STRA6: variants seen among roughly 807,000 people sequenced by gnomAD.
The protein encoded by STRA6 is receptor for retinol uptake STRA6.
In STRA6, 48 loss-of-function variants were observed where a neutral mutation model predicts 83.6. The observed-to-expected ratio is 0.57, with a 90% CI of 0.46 to 0.73. The LOEUF (loss-of-function observed/expected upper bound fraction) is 0.73, where lower values mean the gene tolerates loss of function less well. Among genes scored for constraint, STRA6 ranks in the 30% least tolerant of loss-of-function variants. The probability of loss-of-function intolerance (pLI) is 0.00; values close to 1 mark genes in which losing one functional copy is unlikely to be tolerated. For synonymous variants in STRA6, 353 were observed against 362.3 expected (o/e 0.97, Z 0.29); for missense variants, 760 against 838.8 (o/e 0.91, Z 1.16).
chr15:74,193,595 G>A (rs753525912), intron 8 of STRA6, among the ~76,000 whole-genome samples: 14 of 152,178 alleles, frequency 9.2e-5, no homozygotes, highest in African/African-American at 3.1e-4. Context: ...CCAGTGCCGC[G>A]GGTATCCTGG....
intron 1 of STRA6, 55 bp downstream of exon 1, chr15:74,202,658 A>G: frequency 7.2e-7 from 1 of 1,396,432 alleles, no homozygotes; most frequent in South Asian, 1.8e-5. Flanking sequence ...CTGCCTAAAG[A>G]GACGCCCCTT....
Position 74,196,021 on chromosome 15 carries a change from T to G in STRA6, c.393A>C (p.Ser131=). Residue 131 remains serine (S), a synonymous_variant, in exon 5 of 19, where the codon TCA becomes TCC. Transcript: ENST00000395105. ...EDALPFLTLA[S]APSQDGKTEA... is the part of the protein sequence containing the mutation. ...GTCAGTGGGTACCTTGGCTGGGTGC[T>G]GAGGCGAGAGTCAGGAAGGGCAATG... is the stretch of plus-strand genomic sequence containing the variant. 4 of 1,613,862 alleles carry G rather than the reference T, an allele frequency of 2.5e-6. 1 individual carries two copies. The South Asian group carries it at 4.4e-5, about 18-fold the overall frequency.
At position 74,188,585 on chromosome 15, in the gene STRA6, G is replaced by A. The variant is rs118107790; in HGVS notation, c.1090+530C>T. Among the ~76,000 whole-genome samples the A allele has an allele frequency of 0.017, 2,521 of 152,332 alleles. 35 individuals are homozygous for A. The highest frequency in any genetic ancestry group is 0.044 in the Middle Eastern group (13 of 294). ...CAGGAGGCAGAGTAAGTAGGTGGCT[G>A]CAGGAGGCATCAGACCACAGAAGGG... On this transcript the variant is annotated intron_variant, in intron 12 of 18. Coordinates refer to ENST00000395105, the MANE Select transcript of STRA6 (RefSeq NM_022369.4). This position sits in a 1 kb window ranked among gnomAD's most constrained non-coding sequence, Gnocchi z 4.5.
intron 3 of STRA6, 129 bp from the exon 4 acceptor site, chr15:74,197,552 G>T (rs1018695982): frequency 1.8e-6 from 2 of 1,081,526 alleles, no homozygotes; most frequent in African/African-American, 1.6e-5. Flanking sequence ...ACATCTTGGG[G>T]ACTGGTCAAG....
intron 17 of STRA6, 91 bp from the exon 18 acceptor site, chr15:74,181,028 C>G (rs952458511): frequency 6.5e-7 from 1 of 1,543,590 alleles, no homozygotes; most frequent in Non-Finnish European, 8.8e-7. Context: ...AGGGAGTGCA[C>G]GTGCACTCCC....
rs2073356742 is a variant in STRA6, at chr15:74,188,292, C to T, written c.1090+823G>A. On this transcript the variant is annotated intron_variant, in intron 12 of 18. Transcript: ENST00000395105. The surrounding 1 kb of genome is among the most constrained non-coding windows in gnomAD (Gnocchi z 4.5). ...ACACCTCCACCTGCAACGCTGGCAG[C>T]CCACGCTCTGACCACATGTTACTCC... is the stretch of plus-strand genomic sequence containing the variant. 6.6e-6 allele frequency among the ~76,000 whole-genome samples: 1 copy of T among 152,246 alleles called. No individual in the cohort carries two copies. The highest frequency in any genetic ancestry group is 6.5e-5 in the Admixed American group (1 of 15,292).
intron 12 of STRA6, 25 bp downstream of exon 12, chr15:74,189,090 C>A: frequency 6.2e-7 from 1 of 1,613,516 alleles, no homozygotes; most frequent in Non-Finnish European, 8.5e-7. Context: ...CACTGCAGCC[C>A]TCAGGGGCTC....
In STRA6 at chr15:74,180,175, C is replaced by T. The variant is rs562471475; in HGVS notation, c.1909G>A (p.Ala637Thr). The stretch of plus-strand genomic sequence containing the variant: ...AGCGTGTAGGCCAGACCCCAGCGAG[C>T]CCTGCCGCGGCTGGCCCCGGGCCTA... ...GARPGASRGR[A>T]RWGLAYTLLH... The change falls in exon 19 of 19, where the codon GCT (alanine) becomes ACT (threonine). Residue 637 changes from alanine to threonine, a missense_variant. Ala to Thr is a moderately conservative substitution (Grantham distance 58). Transcript: ENST00000395105. 5 of 1,613,990 alleles carry T rather than the reference C, an allele frequency of 3.1e-6. No homozygotes were observed. In the African/African-American group the frequency reaches 5.3e-5, roughly 17 times the overall value.
At chr15:74,183,702 A>G in intron 14 of STRA6, 154 bp downstream of exon 14, 1 of 1,578,394 alleles carries the variant, frequency 6.3e-7, no homozygotes, top group South Asian at 1.1e-5. Flanking sequence ...AGGGCAGGGA[A>G]GGCAGGGGGG....
At chr15:74,182,949 T>C (rs1168328840) in intron 14 of STRA6, 1 of 186,514 alleles carries the variant, frequency 5.4e-6, no homozygotes, top group Non-Finnish European at 1.1e-5. Flanking sequence ...AGAGACGCTA[T>C]GACTTTTGTC....
chr15:74,189,253 C>T lies in STRA6; in HGVS notation c.952G>A (p.Val318Met), dbSNP rs529201894. 18 of 1,603,806 alleles carry T rather than the reference C, an allele frequency of 1.1e-5. No individual in the cohort carries two copies. The East Asian group carries it at 1.3e-4, about 12-fold the overall frequency. The change falls in exon 12 of 19, where the codon GTG becomes ATG. Residue 318 changes from valine (V) to methionine (M), a missense_variant. Val to Met is a conservative substitution (Grantham distance 21, BLOSUM62 1). Transcript: ENST00000395105. ...CTCACCTTCTGGATAGTGGGTACCACGCCCACCAGCAGCAGCAGGGCCACC... is the reference window on the plus strand; with the variant it reads ...CTCACCTTCTGGATAGTGGGTACCATGCCCACCAGCAGCAGCAGGGCCACC... ...YQVALLLLVG[V>M]VPTIQKVRAG...
At chr15:74,180,731 T>C (rs1567176374) in intron 18 of STRA6, 51 bp downstream of exon 18, 9 of 1,563,164 alleles carry the variant, frequency 5.8e-6, no homozygotes, top group Non-Finnish European at 6.1e-6. Context: ...ACATCCTTCC[T>C]AGAAGAAGCT....
chr15:74,201,010 C>T (rs1413489577), intron 2 of STRA6, among the ~76,000 whole-genome samples: 1 of 152,212 alleles, frequency 6.6e-6, no homozygotes, highest in Non-Finnish European at 1.5e-5. Flanking sequence ...TCTGGTCTCT[C>T]GCAGGCCACA....
Position 74,188,362 on chromosome 15 carries a change from A to C in STRA6, c.1090+753T>G, listed in dbSNP as rs114948239. Among the ~76,000 whole-genome samples, 562 of 152,350 alleles carry C rather than the reference A, an allele frequency of 3.7e-3. 3 individuals carry two copies. The highest frequency in any genetic ancestry group is 0.011 in the African/African-American group (477 of 41,588). Reference sequence around the variant, plus strand: ...CCGTCCCAGCCTGGGGTCCCCAAGTAAGCAGAAGGCGCATGCCTCCTGAGT... The same window carrying C: ...CCGTCCCAGCCTGGGGTCCCCAAGTCAGCAGAAGGCGCATGCCTCCTGAGT... On this transcript the variant is annotated intron_variant, in intron 12 of 18. Coordinates refer to ENST00000395105, the MANE Select transcript of STRA6 (RefSeq NM_022369.4). The surrounding 1 kb of genome is among the most constrained non-coding windows in gnomAD (Gnocchi z 4.5).
At position 74,180,213 on chromosome 15, in the gene STRA6, A is replaced by T. The variant is rs747368136; in HGVS notation, c.1871T>A (p.Met624Lys). Residue 624 changes from methionine (M) to lysine (K), a missense_variant, in exon 19 of 19, where the codon ATG becomes AAG. Physicochemically the swap from Met to Lys is moderately conservative, Grantham distance 95. Transcript: ENST00000395105. ...GMQLLQTKDS[M>K]AKGARPGASR... ...GGCCCCGGGCCTAGCTCCCTTGGCC[A>T]TGGAGTCCTTTGTCTGTAGCAGCTG... 6.2e-7 allele frequency: 1 copy of T among 1,614,100 alleles called. No homozygotes were observed. Among genetic ancestry groups the T allele is most frequent in the South Asian group, 1.1e-5 (1 of 91,084 alleles).
chr15:74,188,255 T>G lies in STRA6; in HGVS notation c.1090+860A>C, dbSNP rs2073354636. Among the ~76,000 whole-genome samples the G allele has an allele frequency of 6.6e-6, 1 of 152,218 alleles. No homozygotes were observed. The highest frequency in any genetic ancestry group is 2.4e-5 in the African/African-American group (1 of 41,460). Reference sequence around the variant, plus strand: ...GATGATGTTAATGGTCAGGTACAGCTGCGGAGCAGCTACACCTCCACCTGC... The same window carrying G: ...GATGATGTTAATGGTCAGGTACAGCGGCGGAGCAGCTACACCTCCACCTGC... On this transcript the variant is annotated intron_variant, in intron 12 of 18. Coordinates refer to ENST00000395105, the MANE Select transcript of STRA6 (RefSeq NM_022369.4). The surrounding 1 kb of genome is among the most constrained non-coding windows in gnomAD (Gnocchi z 4.5).
chr15:74,201,389 G>T (rs1317947105), intron 2 of STRA6, among the ~76,000 whole-genome samples: 1 of 152,194 alleles, frequency 6.6e-6, no homozygotes, highest in African/African-American at 2.4e-5. Flanking sequence ...AACAACAGGG[G>T]AGAACTGGCT....
chr15:74,202,454 G>T, intron 1 of STRA6, 172 bp from the exon 2 acceptor site: 2 of 1,536,156 alleles, frequency 1.3e-6, no homozygotes, highest in Non-Finnish European at 1.7e-6. Context: ...TGGGACTGAG[G>T]GCCTGAGCAA....
At chr15:74,208,933 C>T (rs972834691) in exon 1 of STRA6, 10 of 996,266 alleles carry the variant, frequency 1.0e-5, no homozygotes, top group East Asian at 1.1e-4. Flanking sequence ...AGCCCAGCAC[C>T]AGCTGGGCTG....
Sources: allele counts gnomAD v4.1 joint callset (sites outside exome capture counted in the v4.1 genomes callset), GRCh38; gene constraint gnomAD v4.1.1; non-coding constraint Gnocchi (gnomAD v3.1); transcripts MANE v1.5; gene names NCBI Gene and HGNC (gene_info 2026-07-23, HGNC 2026-07-21).